Variants in COL5A1 observed in about 807,000 individuals in gnomAD.
COL5A1 encodes the protein collagen type V alpha 1 chain.
Under a neutral mutation model 263.7 loss-of-function variants are expected in COL5A1, and 16 were observed. That is an observed-to-expected ratio of 0.06 (90% CI 0.04 to 0.09). The LOEUF (loss-of-function observed/expected upper bound fraction) is 0.09. COL5A1 is among the 10% of genes least tolerant of loss of function. The pLI is 1.00. For synonymous variants in COL5A1, 1,012 were observed against 1,004.5 expected (o/e 1.01, Z -0.14); for missense variants, 2,036 against 2,540.5 (o/e 0.80, Z 4.27).
chr9:134,802,084 A>C, intron 38 of COL5A1, 77 bp downstream of exon 38: 2 of 1,412,934 alleles, frequency 1.4e-6, no homozygotes, highest in East Asian at 2.3e-5. Context: ...CAGCCCGGGC[A>C]TCTGTTCCCT....
rs2132729311 is a variant in COL5A1, at chr9:134,767,331, G to A, written c.2209G>A (p.Ala737Thr). ...GAQGLPGPQG[A>T]IGPPGEKGPL... ...TTAGGGTCTTCCAGGCCCCCAGGGT[G>A]CAATTGGTCCTCCAGGAGAAAAGGT... The change falls in exon 24 of 66, where the codon GCA becomes ACA. Residue 737 changes from alanine to threonine, a missense_variant. Ala to Thr is a moderately conservative substitution (Grantham distance 58, BLOSUM62 0). Coordinates refer to ENST00000371817, the MANE Select transcript of COL5A1 (RefSeq NM_000093.5). 3 of 1,614,084 alleles carry A rather than the reference G, an allele frequency of 1.9e-6. No homozygotes were observed. Among genetic ancestry groups the A allele is most frequent in the Non-Finnish European group, 1.7e-6 (2 of 1,180,024 alleles).
At chr9:134,839,026 G>C (rs934209987) in intron 65 of COL5A1, among the ~76,000 whole-genome samples, 1 of 152,242 alleles carries the variant, frequency 6.6e-6, no homozygotes, top group Non-Finnish European at 1.5e-5. Flanking sequence ...GCTGCTGCAG[G>C]AGGCCCTGAT....
At chr9:134,729,002 G>A (rs1387134993) in intron 6 of COL5A1, among the ~76,000 whole-genome samples, 195 bp downstream of exon 6, 4 of 152,230 alleles carry the variant, frequency 2.6e-5, no homozygotes, top group East Asian at 1.9e-4. Context: ...GCTTTCCGCA[G>A]TGAGGAGGAC....
intron 43 of COL5A1, 33 bp from the exon 44 acceptor site, chr9:134,810,222 C>T (rs765051466): frequency 5.0e-6 from 8 of 1,612,460 alleles, no homozygotes; most frequent in Non-Finnish European, 5.9e-6. Context: ...GGTTGTCAAG[C>T]TTTCTAACCG....
intron 39 of COL5A1, among the ~76,000 whole-genome samples, chr9:134,804,626 G>A (rs568780074): frequency 3.3e-5 from 5 of 152,346 alleles, no homozygotes; most frequent in East Asian, 3.9e-4. Context: ...CGCAGAGCCC[G>A]CCAGATGAGC....
rs138020730 is a variant in COL5A1 at position 134,680,278 on chromosome 9, AC to A, written c.110-10631del. Reference sequence around the variant, plus strand: ...AGGCCCGGCTACAGGCCATTTTCTCACCCTGTGAAACACTGCGGGTCGGTGC... The same window carrying A: ...AGGCCCGGCTACAGGCCATTTTCTCACCTGTGAAACACTGCGGGTCGGTGC... On this transcript the variant is annotated intron_variant, in intron 1 of 65. Transcript: ENST00000371817. The surrounding 1 kb of genome is among the most constrained non-coding windows in gnomAD (Gnocchi z 5.9). 6.7e-3 allele frequency among the ~76,000 whole-genome samples: 1,019 copies of A among 152,038 alleles called. 11 individuals are homozygous for A. Among genetic ancestry groups the A allele is most frequent in the African/African-American group, 0.019 (799 of 41,458 alleles).
At chr9:134,654,548 T>G (rs975522536) in intron 1 of COL5A1, among the ~76,000 whole-genome samples, 467 of 21,902 alleles carry the variant, frequency 0.021, no homozygotes, top group Middle Eastern at 0.05. Flanking sequence ...TAGGGCTGGG[T>G]GTGTGTAGGG....
In COL5A1 at chr9:134,759,656, ATACG is replaced by A. The variant is rs1564438421; in HGVS notation, c.1935+1361_1935+1364del. ...CCCATATTCATACACACATGCACAC[ATACG>A]CATGCACACCCCCACACCCCCACAC... On this transcript the variant is annotated intron_variant, in intron 18 of 65. Transcript: ENST00000371817. Among the ~76,000 whole-genome samples the A allele has an allele frequency of 2.0e-3, 222 of 109,222 alleles. 2 individuals are homozygous for A. The highest frequency in any genetic ancestry group is 4.6e-3 in the African/African-American group (107 of 23,416). 71.7% of individuals were successfully genotyped at this position (109,222 alleles called of 152,430 possible).
At chr9:134,756,183 G>C (rs1835966460) in intron 16 of COL5A1, among the ~76,000 whole-genome samples, 2 of 152,178 alleles carry the variant, frequency 1.3e-5, no homozygotes, top group Non-Finnish European at 2.9e-5. Flanking sequence ...CCTTGTCCTT[G>C]ACTGTGTCCA....
At chr9:134,835,405 G>A (rs1482026077) in intron 65 of COL5A1, among the ~76,000 whole-genome samples, 8 of 152,240 alleles carry the variant, frequency 5.3e-5, no homozygotes, top group Admixed American at 4.6e-4. Flanking sequence ...CGGGAACTTG[G>A]GAGAGTTCTG....
At chr9:134,768,681 C>T (rs368777959) in intron 25 of COL5A1, among the ~76,000 whole-genome samples, 3 of 152,150 alleles carry the variant, frequency 2.0e-5, no homozygotes, top group African/African-American at 4.8e-5. Flanking sequence ...GTGGCGATTG[C>T]GCGAGTAGGA....
At chr9:134,752,426 G>T (rs1281286770) in intron 13 of COL5A1, among the ~76,000 whole-genome samples, 163 bp from the exon 14 acceptor site, 2 of 147,826 alleles carry the variant, frequency 1.4e-5, no homozygotes, top group South Asian at 2.1e-4. Context: ...AGTCGGGGGG[G>T]GGGGGCCCTT....
At position 134,824,749 on chromosome 9, in the gene COL5A1, C is replaced by G. The variant is rs747427505; in HGVS notation, c.4848C>G (p.Asn1616Lys). 15 of 1,614,102 alleles carry G rather than the reference C, an allele frequency of 9.3e-6. No homozygotes were observed. The highest frequency in any genetic ancestry group is 2.7e-5 in the African/African-American group (2 of 74,954). Residue 1616 changes from asparagine to lysine, a missense_variant, in exon 62 of 66, where the codon AAC becomes AAG. Physicochemically the swap from Asn to Lys is moderately conservative, Grantham distance 94. This residue lies in a region of COL5A1 where 358 missense variants were observed against 384.6 expected (regional missense o/e 0.93). Transcript: ENST00000371817. ...DGMEEIFGSL[N>K]SLKLEIEQMK... ...TGGAAGAGATCTTCGGCTCTCTCAA[C>G]TCTCTGAAGCTGGAGATTGAGCAGA...
chr9:134,762,314 G>A (rs1836482636), intron 19 of COL5A1, among the ~76,000 whole-genome samples: 1 of 152,240 alleles, frequency 6.6e-6, no homozygotes, highest in South Asian at 2.1e-4. Context: ...ACTGAGCTCA[G>A]CGTCTCTGCT....
chr9:134,767,049 C>A lies in COL5A1; in HGVS notation c.2183C>A (p.Ala728Asp). 2 of 1,613,416 alleles carry A rather than the reference C, an allele frequency of 1.2e-6. No homozygotes were observed. The highest frequency in any genetic ancestry group is 1.7e-6 in the Non-Finnish European group (2 of 1,179,886). Reference sequence around the variant, plus strand: ...CCAGGACAGCAGGGTAATCCAGGCGCCCAGGTAAGTGAGCCTGAGAGAGGC... The same window carrying A: ...CCAGGACAGCAGGGTAATCCAGGCGACCAGGTAAGTGAGCCTGAGAGAGGC... ...GPPGQQGNPG[A>D]QGLPGPQGAI... The change falls in exon 23 of 66, where the codon GCC becomes GAC. Residue 728 changes from alanine to aspartate, a missense_variant. By Grantham distance (126) the Ala-to-Asp change is moderately radical. Around this residue, in one of 3 missense-constraint regions of COL5A1, gnomAD observed 1,078 missense variants for 1,521.4 expected, o/e 0.71. Coordinates refer to ENST00000371817, the MANE Select transcript of COL5A1 (RefSeq NM_000093.5).
intron 4 of COL5A1, among the ~76,000 whole-genome samples, chr9:134,726,762 A>G (rs933710454): frequency 4.0e-5 from 6 of 150,942 alleles, no homozygotes; most frequent in African/African-American, 1.5e-4. Context: ...GGATGGATGG[A>G]TGGATGGATG....
chr9:134,644,922 C>T (rs1831426225), intron 1 of COL5A1, among the ~76,000 whole-genome samples: 1 of 152,276 alleles, frequency 6.6e-6, no homozygotes, highest in African/African-American at 2.4e-5. Context: ...GGTTAAATTT[C>T]CTCTGACTCA....
rs72774445 is a variant in COL5A1, at chr9:134,775,162, G to T, written c.2385+250G>T. Among the ~76,000 whole-genome samples the T allele has an allele frequency of 0.052, 7,905 of 152,320 alleles. 345 individuals carry two copies. Among genetic ancestry groups the T allele is most frequent in the African/African-American group, 0.12 (4,916 of 41,566 alleles). ...ACAGGACAGTCTGCAGTCTGGTGAC[G>T]ACGCCAGGGGCGCGCTGGCGGCCAT... On this transcript the variant is annotated intron_variant, in intron 27 of 65. Transcript: ENST00000371817.
intron 11 of COL5A1, among the ~76,000 whole-genome samples, chr9:134,739,247 T>C (rs1054633104): frequency 3.3e-5 from 5 of 152,216 alleles, no homozygotes; most frequent in Non-Finnish European, 5.9e-5. Flanking sequence ...CATCCTCGGG[T>C]GTCCCTCGCC....
Sources: allele counts gnomAD v4.1 joint callset (sites outside exome capture counted in the v4.1 genomes callset), GRCh38; gene constraint gnomAD v4.1.1; regional missense constraint gnomAD v4.1.1; non-coding constraint Gnocchi (gnomAD v3.1); transcripts MANE v1.5; gene names NCBI Gene and HGNC (gene_info 2026-07-23, HGNC 2026-07-21).